Variants in RYR2 observed in about 807,000 individuals in gnomAD.
RYR2 encodes the protein cardiac muscle ryanodine receptor-calcium release channel.
In RYR2, 227 loss-of-function variants were observed where a neutral mutation model predicts 601.1. The ratio of observed to expected loss-of-function variants is 0.38; its 90% CI spans 0.34 to 0.42. The LOEUF (loss-of-function observed/expected upper bound fraction) is 0.42, where lower values mean the gene tolerates loss of function less well. RYR2 is among the 10% of genes least tolerant of loss of function. The pLI is 1.00. For synonymous variants in RYR2, 2,223 were observed against 2,175.1 expected, an observed-to-expected ratio of 1.02 and a Z score of -0.61; for missense variants, 4,646 against 6,156.5, an observed-to-expected ratio of 0.75 and a Z score of 8.21.
At chr1:237,622,936 G>A (rs919825265) in intron 38 of RYR2, among the ~76,000 whole-genome samples, 5 of 152,040 alleles carry the variant, frequency 3.3e-5, no homozygotes, top group African/African-American at 7.2e-5. Flanking sequence ...AAACACTTCC[G>A]GCCCCAAGCA....
intron 34 of RYR2, 54 bp from the exon 35 acceptor site, chr1:237,601,971 T>C: frequency 6.7e-7 from 1 of 1,488,728 alleles, no homozygotes; most frequent in Non-Finnish European, 9.2e-7. Context: ...GAAAAACTTT[T>C]TCCCTTGTCT....
At chr1:237,186,052 C>G (rs1320223841) in intron 1 of RYR2, among the ~76,000 whole-genome samples, 1 of 152,194 alleles carries the variant, frequency 6.6e-6, no homozygotes, top group Non-Finnish European at 1.5e-5. Flanking sequence ...TCCCTGCAGG[C>G]TCTCATGGGT....
At chr1:237,157,000 A>G (rs1675417014) in intron 1 of RYR2, among the ~76,000 whole-genome samples, 1 of 152,208 alleles carries the variant, frequency 6.6e-6, no homozygotes, top group African/African-American at 2.4e-5. Context: ...AACCAAAAAT[A>G]GAACCACCAT....
chr1:237,481,656 A>G (rs1041441618), intron 17 of RYR2, among the ~76,000 whole-genome samples: 2 of 152,166 alleles, frequency 1.3e-5, no homozygotes, highest in African/African-American at 4.8e-5. Flanking sequence ...TGCGTAAGTT[A>G]TCACTCATTG....
At chr1:237,112,623 T>G (rs1669621616) in intron 1 of RYR2, among the ~76,000 whole-genome samples, 1 of 151,806 alleles carries the variant, frequency 6.6e-6, no homozygotes, top group Admixed American at 6.6e-5. Flanking sequence ...CAGGCAAATT[T>G]CTAGGATTAA....
intron 27 of RYR2, among the ~76,000 whole-genome samples, chr1:237,561,988 A>G (rs932410337): frequency 2.6e-5 from 4 of 152,240 alleles, no homozygotes; most frequent in African/African-American, 9.6e-5. Context: ...CATTTATAAT[A>G]GTCTATACTG....
At chr1:237,199,375 C>A (rs928846204) in intron 1 of RYR2, among the ~76,000 whole-genome samples, 3 of 152,204 alleles carry the variant, frequency 2.0e-5, no homozygotes, top group Non-Finnish European at 2.9e-5. Flanking sequence ...GCCCAAGAGC[C>A]CCTGGCAAAG....
chr1:237,635,481 C>T (rs776800347), intron 44 of RYR2, among the ~76,000 whole-genome samples: 1 of 152,152 alleles, frequency 6.6e-6, no homozygotes. Flanking sequence ...CAGCACAAAG[C>T]ATCAGCGATA....
At chr1:237,651,833 C>G (rs180914538) in intron 51 of RYR2, among the ~76,000 whole-genome samples, 40 of 152,124 alleles carry the variant, frequency 2.6e-4, no homozygotes, top group Admixed American at 3.3e-4. Context: ...GTTAGGAGAT[C>G]GAGACCATCC....
chr1:237,096,114 A>G (rs941559468), intron 1 of RYR2, among the ~76,000 whole-genome samples: 1 of 152,068 alleles, frequency 6.6e-6, no homozygotes. Flanking sequence ...AGACTTTCAC[A>G]GTCCTGGATT....
intron 51 of RYR2, among the ~76,000 whole-genome samples, chr1:237,653,120 A>T (rs1682927038): frequency 6.6e-6 from 1 of 152,250 alleles, no homozygotes; most frequent in African/African-American, 2.4e-5. Context: ...TTGACCTTCC[A>T]GTTTAGTTCT....
In RYR2 at chr1:237,593,502, T is replaced by A. The variant is rs764119072; in HGVS notation, c.4302T>A (p.Pro1434=). ...STYYYSVRIF[P]GQEPANVWVG... is the part of the protein sequence containing the mutation. ...ACTATTACTCAGTGAGAATCTTTCC[T>A]GGACAAGAACCTGCTAATGTCTGGG... Residue 1434 remains proline, a synonymous_variant, in exon 33 of 105, where the codon CCT becomes CCA. Transcript: ENST00000366574. The A allele has an allele frequency of 3.0e-5, 48 of 1,613,414 alleles. No individual in the cohort carries two copies. Among genetic ancestry groups the A allele is most frequent in the Non-Finnish European group, 4.0e-5 (47 of 1,179,750 alleles).
At chr1:237,052,665 A>G (rs1328796310) in intron 1 of RYR2, among the ~76,000 whole-genome samples, 1 of 151,992 alleles carries the variant, frequency 6.6e-6, no homozygotes, top group Non-Finnish European at 1.5e-5. Flanking sequence ...GTACTTCAGG[A>G]GCATGTCACA....
rs33922740 is a variant in RYR2, at chr1:237,157,295, C to CAAA, written c.49-113178_49-113176dup. Reference sequence around the variant, plus strand: ...TGGGTGACAGAGTGAGACTCCATCTCAAAAAAAAAAAAAAAAAAAAAAAAA... The same window carrying CAAA: ...TGGGTGACAGAGTGAGACTCCATCTCAAAAAAAAAAAAAAAAAAAAAAAAAAAA... On this transcript the variant is annotated intron_variant, in intron 1 of 104. Transcript: ENST00000366574. Among the ~76,000 whole-genome samples the CAAA allele has an allele frequency of 2.0e-3, 129 of 63,492 alleles. 1 individual carries two copies. Among genetic ancestry groups the CAAA allele is most frequent in the African/African-American group, 5.3e-3 (83 of 15,596 alleles). The allele number at this position is 63,492 out of a possible 152,430, so 41.7% of individuals were successfully genotyped here.
At chr1:237,814,089 A>C (rs1661527836) in intron 100 of RYR2, among the ~76,000 whole-genome samples, 1 of 152,194 alleles carries the variant, frequency 6.6e-6, no homozygotes, top group Non-Finnish European at 1.5e-5. Flanking sequence ...TTGACATTCC[A>C]ATTGTAGCGT....
chr1:237,339,385 A>G (rs1056225424), intron 3 of RYR2, among the ~76,000 whole-genome samples: 1 of 152,120 alleles, frequency 6.6e-6, no homozygotes, highest in Non-Finnish European at 1.5e-5. Context: ...TATGCATGCA[A>G]TATGCAAATA....
intron 73 of RYR2, among the ~76,000 whole-genome samples, chr1:237,721,881 C>T (rs942200035): frequency 6.6e-6 from 1 of 152,078 alleles, no homozygotes; most frequent in Admixed American, 6.6e-5. Context: ...ATATGTTCTA[C>T]CCCCATTAAA....
chr1:237,438,091 A>G (rs1359164501), intron 12 of RYR2, among the ~76,000 whole-genome samples: 1 of 152,086 alleles, frequency 6.6e-6, no homozygotes, highest in Non-Finnish European at 1.5e-5. Flanking sequence ...TACAATTCCA[A>G]TCTGATGCTA....
intron 1 of RYR2, among the ~76,000 whole-genome samples, chr1:237,049,943 T>C (rs553049565): frequency 3.7e-4 from 57 of 152,302 alleles, no homozygotes; most frequent in Middle Eastern, 6.8e-3. Context: ...CCCATGTTTC[T>C]GGGGTTTCCC....
Sources: gnomAD v4.1 joint callset for allele counts (sites outside exome capture counted in the v4.1 genomes callset) on GRCh38, gnomAD v4.1.1 for gene constraint, MANE v1.5 for transcripts, NCBI Gene and HGNC (gene_info 2026-07-23, HGNC 2026-07-21) for gene names.